Variants in ATP8A2 observed in about 807,000 individuals in gnomAD.
The protein encoded by ATP8A2 is phospholipid-transporting ATPase IB.
Under a neutral mutation model 165.6 loss-of-function variants are expected in ATP8A2, and 100 were observed. The ratio of observed to expected loss-of-function variants is 0.60; its 90% CI spans 0.51 to 0.71. The LOEUF (loss-of-function observed/expected upper bound fraction) is 0.71. Among genes scored for constraint, ATP8A2 ranks in the 30% least tolerant of loss-of-function variants. ATP8A2 has a pLI of 0.00. For missense variants in ATP8A2, 1,227 were observed against 1,479.5 expected (o/e 0.83, Z 2.80); for synonymous variants, 543 against 548.8 (o/e 0.99, Z 0.15).
At chr13:25,656,861 T>C (rs549529401) in intron 24 of ATP8A2, among the ~76,000 whole-genome samples, 23 of 151,606 alleles carry the variant, frequency 1.5e-4, no homozygotes, top group Non-Finnish European at 2.4e-4. Context: ...AAAACTAGCC[T>C]GGGTAACATG....
chr13:25,828,084 G>T (rs753016854), intron 27 of ATP8A2, 34 bp from the exon 28 acceptor site: 27 of 1,543,804 alleles, frequency 1.7e-5, no homozygotes, highest in Non-Finnish European at 2.3e-5. Context: ...GGTCAATATT[G>T]ATATAAAACT....
chr13:25,576,053 A>G (rs2039609422), intron 19 of ATP8A2, among the ~76,000 whole-genome samples: 1 of 152,202 alleles, frequency 6.6e-6, no homozygotes. Context: ...GTGCCACTTA[A>G]TCTTGATAAT....
At chr13:25,716,281 C>G (rs1000865101) in intron 25 of ATP8A2, among the ~76,000 whole-genome samples, 1 of 152,136 alleles carries the variant, frequency 6.6e-6, no homozygotes, top group East Asian at 1.9e-4. Context: ...ATTGGGCTGT[C>G]TTTTCACTTG....
intron 30 of ATP8A2, among the ~76,000 whole-genome samples, chr13:25,843,916 A>C (rs1256648562): frequency 6.6e-6 from 1 of 151,842 alleles, no homozygotes; most frequent in Non-Finnish European, 1.5e-5. Flanking sequence ...GGAGGGGGGG[A>C]CTTTTTCTCA....
At chr13:25,930,676 T>C (rs1439022016) in intron 33 of ATP8A2, among the ~76,000 whole-genome samples, 1 of 152,226 alleles carries the variant, frequency 6.6e-6, no homozygotes, top group Non-Finnish European at 1.5e-5. Context: ...TGGTTTTTTT[T>C]TCGTCATTGT....
At chr13:25,680,069 C>G (rs2137800835) in intron 24 of ATP8A2, among the ~76,000 whole-genome samples, 1 of 152,204 alleles carries the variant, frequency 6.6e-6, no homozygotes, top group Middle Eastern at 3.4e-3. Flanking sequence ...ATTTCATGCT[C>G]TACGTTCTTG....
chr13:25,617,238 A>G (rs1467833100), intron 24 of ATP8A2, among the ~76,000 whole-genome samples: 1 of 152,212 alleles, frequency 6.6e-6, no homozygotes, highest in East Asian at 1.9e-4. Flanking sequence ...AATTGTTTTG[A>G]CTATAATCAT....
At chr13:25,454,114 CTT>C in intron 1 of ATP8A2, among the ~76,000 whole-genome samples, 1 of 152,240 alleles carries the variant, frequency 6.6e-6, no homozygotes, top group South Asian at 2.1e-4. Context: ...TGCATGGTCT[CTT>C]GGCACTGTGG....
intron 25 of ATP8A2, among the ~76,000 whole-genome samples, chr13:25,735,456 T>C (rs1292131827): frequency 6.6e-6 from 1 of 152,042 alleles, no homozygotes; most frequent in African/African-American, 2.4e-5. Flanking sequence ...AGACAAGGTC[T>C]CACCATGTTG....
intron 25 of ATP8A2, among the ~76,000 whole-genome samples, chr13:25,722,655 T>C (rs1350206189): frequency 6.7e-6 from 1 of 149,048 alleles, no homozygotes; most frequent in Non-Finnish European, 1.5e-5. Context: ...CATTGCTGTA[T>C]GTTAGTTGTC....
At chr13:25,806,948 A>G (rs947815925) in intron 27 of ATP8A2, among the ~76,000 whole-genome samples, 1 of 152,040 alleles carries the variant, frequency 6.6e-6, no homozygotes, top group African/African-American at 2.4e-5. Context: ...ACATCTTTTC[A>G]TGTGGTTATT....
At chr13:25,972,181 CTCTG>C (rs1955931681) in intron 35 of ATP8A2, among the ~76,000 whole-genome samples, 1 of 152,200 alleles carries the variant, frequency 6.6e-6, no homozygotes, top group Non-Finnish European at 1.5e-5. Context: ...CTAAGTTTCT[CTCTG>C]TGCCTTTTAT....
chr13:25,990,308 T>C (rs1364163578), intron 35 of ATP8A2, among the ~76,000 whole-genome samples: 1 of 147,016 alleles, frequency 6.8e-6, no homozygotes, highest in Non-Finnish European at 1.5e-5. Flanking sequence ...TCATAGAACT[T>C]ACATTCTAAT....
At chr13:25,535,149 T>C (rs781430695) in intron 6 of ATP8A2, among the ~76,000 whole-genome samples, 3 of 152,134 alleles carry the variant, frequency 2.0e-5, no homozygotes, top group Non-Finnish European at 4.4e-5. Flanking sequence ...CAGGGGTAAC[T>C]AGCTGCGGAA....
chr13:25,424,021 G>A (rs2034373134), intron 1 of ATP8A2, among the ~76,000 whole-genome samples: 1 of 152,146 alleles, frequency 6.6e-6, no homozygotes, highest in Admixed American at 6.6e-5. Context: ...GGTGGCAGAT[G>A]GGGAGGGCCA....
intron 35 of ATP8A2, among the ~76,000 whole-genome samples, chr13:25,983,629 A>G (rs948720673): frequency 4.6e-5 from 7 of 152,190 alleles, no homozygotes; most frequent in Non-Finnish European, 4.4e-5. Flanking sequence ...AGGGTTTCTG[A>G]GAACTTTCCA....
At chr13:26,018,365 G>T (rs1316637223) in intron 36 of ATP8A2, among the ~76,000 whole-genome samples, 3 of 152,160 alleles carry the variant, frequency 2.0e-5, no homozygotes, top group African/African-American at 4.8e-5. Flanking sequence ...TGTATGTCTT[G>T]ATACTCTAGA....
At chr13:25,785,788 T>C (rs2045008886) in intron 27 of ATP8A2, among the ~76,000 whole-genome samples, 1 of 152,208 alleles carries the variant, frequency 6.6e-6, no homozygotes, top group Non-Finnish European at 1.5e-5. Flanking sequence ...ATGTATAGGC[T>C]GTAGAAAAGT....
At chr13:25,594,078 ATAT>A (rs1447348385) in intron 24 of ATP8A2, among the ~76,000 whole-genome samples, 1 of 152,238 alleles carries the variant, frequency 6.6e-6, no homozygotes, top group African/African-American at 2.4e-5. Flanking sequence ...GTATCTTGAA[ATAT>A]TAGCTGTGGT....
Sources: gnomAD v4.1 joint callset for allele counts (sites outside exome capture counted in the v4.1 genomes callset) on GRCh38, gnomAD v4.1.1 for gene constraint, MANE v1.5 for transcripts, NCBI Gene and HGNC (gene_info 2026-07-23, HGNC 2026-07-21) for gene names.